Variants in CPLX4 observed in about 807,000 individuals in gnomAD.
CPLX4 encodes the protein complexin-4.
CPLX4 carries 17 observed loss-of-function variants against 16.1 expected under a neutral mutation model. That is an observed-to-expected ratio of 1.06 (90% CI 0.72 to 1.59). The LOEUF is 1.59. Ranked by LOEUF, CPLX4 falls within the 40% of genes most tolerant of loss-of-function variation. CPLX4 has a pLI of 0.00. For missense variants in CPLX4, 193 were observed against 192.9 expected (o/e 1.00, Z 0.00); for synonymous variants, 55 against 57.8 (o/e 0.95, Z 0.22).
chr18:59,297,210 C>G (rs2070507916), intron 2 of CPLX4, among the ~76,000 whole-genome samples: 1 of 152,022 alleles, frequency 6.6e-6, no homozygotes, highest in Non-Finnish European at 1.5e-5. Flanking sequence ...GCTGGAACTA[C>G]AAATTCTTGG....
intron 1 of CPLX4, among the ~76,000 whole-genome samples, chr18:59,314,019 A>G (rs1568107429): frequency 2.6e-5 from 4 of 152,196 alleles, no homozygotes; most frequent in Non-Finnish European, 5.9e-5. Context: ...TAACCATTAT[A>G]CAAAAAAACT....
chr18:59,297,340 G>A (rs558627330), intron 2 of CPLX4, among the ~76,000 whole-genome samples: 7 of 150,970 alleles, frequency 4.6e-5, no homozygotes, highest in South Asian at 2.1e-4. Context: ...GCAGTATCTC[G>A]ATCTCAGCTC....
At position 59,312,778 on chromosome 18, in the gene CPLX4, A is replaced by C. The variant is rs1424090854; in HGVS notation, c.168-6T>G. The C allele has an allele frequency of 8.3e-7, 1 of 1,208,014 alleles. No homozygotes were observed. Among genetic ancestry groups the C allele is most frequent in the Non-Finnish European group, 1.2e-6 (1 of 810,430 alleles). The allele number at this position is 1,208,014 out of a possible 1,614,324, so 74.8% of individuals were successfully genotyped here. Reference sequence around the variant, plus strand: ...ATGCAGCATCTCTTTCCATCCTAAAAGTTAAAGAATAAAGGATCAGAAGGA... The same window carrying C: ...ATGCAGCATCTCTTTCCATCCTAAACGTTAAAGAATAAAGGATCAGAAGGA... On this transcript the variant is annotated splice_region_variant and splice_polypyrimidine_tract_variant and intron_variant, in intron 1 of 2. Transcript: ENST00000299721.
intron 2 of CPLX4, among the ~76,000 whole-genome samples, chr18:59,311,859 C>G (rs2070618952): frequency 6.6e-6 from 1 of 152,206 alleles, no homozygotes; most frequent in Non-Finnish European, 1.5e-5. Flanking sequence ...AGACCAACGA[C>G]TCACTCGACC....
At chr18:59,301,502 G>A (rs2070541079) in intron 2 of CPLX4, among the ~76,000 whole-genome samples, 1 of 152,236 alleles carries the variant, frequency 6.6e-6, no homozygotes, top group Admixed American at 6.5e-5. Flanking sequence ...TAGTCTTGAA[G>A]CCAATTACTC....
intron 2 of CPLX4, among the ~76,000 whole-genome samples, chr18:59,310,564 T>TAAG (rs1221676811): frequency 6.6e-6 from 1 of 152,118 alleles, no homozygotes; most frequent in Non-Finnish European, 1.5e-5. Flanking sequence ...ATTACACACC[T>TAAG]AAGGACTGGC....
intron 1 of CPLX4, among the ~76,000 whole-genome samples, chr18:59,317,536 T>C (rs2070658817): frequency 6.6e-6 from 1 of 152,116 alleles, no homozygotes; most frequent in Non-Finnish European, 1.5e-5. Context: ...GCCAAGAAAA[T>C]GCCTTTATTT....
chr18:59,297,259 T>C (rs916966016), intron 2 of CPLX4, among the ~76,000 whole-genome samples: 1 of 151,658 alleles, frequency 6.6e-6, no homozygotes, highest in Non-Finnish European at 1.5e-5. Flanking sequence ...ACTCTGGAGA[T>C]GGAGCCCAGC....
intron 2 of CPLX4, among the ~76,000 whole-genome samples, chr18:59,299,104 T>C (rs983404332): frequency 1.3e-5 from 2 of 152,244 alleles, no homozygotes; most frequent in African/African-American, 4.8e-5. Flanking sequence ...AATTAGTTCC[T>C]GGTCAAACTG....
intron 2 of CPLX4, among the ~76,000 whole-genome samples, chr18:59,310,563 C>T (rs2070609863): frequency 6.6e-6 from 1 of 152,256 alleles, no homozygotes; most frequent in Non-Finnish European, 1.5e-5. Context: ...GATTACACAC[C>T]TAAGGACTGG....
At chr18:59,305,796 C>T (rs189467175) in intron 2 of CPLX4, among the ~76,000 whole-genome samples, 1 of 152,274 alleles carries the variant, frequency 6.6e-6, no homozygotes, top group African/African-American at 2.4e-5. Context: ...AGGTGCAGCC[C>T]TCGAGGACAA....
intron 2 of CPLX4, among the ~76,000 whole-genome samples, chr18:59,298,729 C>T (rs1463950576): frequency 6.6e-6 from 1 of 152,076 alleles, no homozygotes; most frequent in Non-Finnish European, 1.5e-5. Flanking sequence ...CACCAGGTAA[C>T]CTGGAAACTT....
At chr18:59,297,234 C>T (rs2070508082) in intron 2 of CPLX4, among the ~76,000 whole-genome samples, 1 of 152,088 alleles carries the variant, frequency 6.6e-6, no homozygotes, top group Non-Finnish European at 1.5e-5. Context: ...CCATCCCAGA[C>T]CCACTGAATC....
At chr18:59,307,872 C>T (rs1201544964) in intron 2 of CPLX4, among the ~76,000 whole-genome samples, 1 of 151,600 alleles carries the variant, frequency 6.6e-6, no homozygotes, top group African/African-American at 2.4e-5. Context: ...CTGCCTTAGC[C>T]TCCTGGGTAG....
intron 2 of CPLX4, 35 bp from the exon 3 acceptor site, chr18:59,296,960 TCTAAA>T: frequency 6.3e-7 from 1 of 1,585,478 alleles, no homozygotes. Flanking sequence ...GATAAATAAC[TCTAAA>T]CTACTAACTC....
chr18:59,299,575 G>A (rs564228685), intron 2 of CPLX4, among the ~76,000 whole-genome samples: 6 of 152,290 alleles, frequency 3.9e-5, no homozygotes, highest in Admixed American at 3.9e-4. Flanking sequence ...AGACTTCAGC[G>A]AGGCCACCAT....
intron 2 of CPLX4, among the ~76,000 whole-genome samples, chr18:59,303,168 C>T (rs1048607709): frequency 6.6e-6 from 1 of 152,182 alleles, no homozygotes; most frequent in African/African-American, 2.4e-5. Context: ...ATGCTGGCTG[C>T]TCCTTCTGCT....
At chr18:59,299,121 GATTA>G (rs576906213) in intron 2 of CPLX4, among the ~76,000 whole-genome samples, 5 of 152,222 alleles carry the variant, frequency 3.3e-5, no homozygotes, top group Non-Finnish European at 7.3e-5. Context: ...ACTGTTGTGG[GATTA>G]ATTAGTTAGT....
chr18:59,318,222 T>G, intron 1 of CPLX4, 74 bp downstream of exon 1: 1 of 1,476,680 alleles, frequency 6.8e-7, no homozygotes, highest in Admixed American at 2.3e-5. Context: ...AGAAATAAAC[T>G]GGAGAACTGA....
Sources: gnomAD v4.1 joint callset for allele counts (sites outside exome capture counted in the v4.1 genomes callset) on GRCh38, gnomAD v4.1.1 for gene constraint, MANE v1.5 for transcripts, NCBI Gene and HGNC (gene_info 2026-07-23, HGNC 2026-07-21) for gene names.